Variants in ARK2N observed in about 807,000 individuals in gnomAD.
ARK2N encodes the protein arkadia (RNF111) N-terminal like PKA signaling regulator 2N.
At chr18:46,222,976 C>G in the ARK2N span, among the ~76,000 whole-genome samples, 1 of 152,122 alleles carries the variant, frequency 6.6e-6, no homozygotes, top group Admixed American at 6.6e-5. Context: ...TTTAAGGGCT[C>G]AAAATGTCTT....
the ARK2N span, among the ~76,000 whole-genome samples, chr18:46,260,135 T>C: frequency 6.6e-6 from 1 of 152,206 alleles, no homozygotes; most frequent in African/African-American, 2.4e-5. Flanking sequence ...CCTCAGCAAT[T>C]ACTTGAGTAC....
chr18:46,263,261 C>T, the ARK2N span: 24 of 726,030 alleles, frequency 3.3e-5, no homozygotes, highest in South Asian at 4.4e-4. Context: ...ATTCCCTCCT[C>T]TTCCCCCCTT....
At chr18:46,175,914 G>A in the ARK2N span, among the ~76,000 whole-genome samples, 1 of 152,166 alleles carries the variant, frequency 6.6e-6, no homozygotes, top group Non-Finnish European at 1.5e-5. Flanking sequence ...TAAGTTCACC[G>A]TGTAGTTGTT....
At chr18:46,177,289 C>T in the ARK2N span, among the ~76,000 whole-genome samples, 7 of 152,092 alleles carry the variant, frequency 4.6e-5, no homozygotes, top group Middle Eastern at 3.4e-3. Flanking sequence ...GGCACAGTGG[C>T]TCACACCTCT....
chr18:46,205,384 T>G, the ARK2N span, among the ~76,000 whole-genome samples: 1 of 152,322 alleles, frequency 6.6e-6, no homozygotes, highest in Non-Finnish European at 1.5e-5. Context: ...CGATAGTGCT[T>G]GGTCTTTGGT....
the ARK2N span, among the ~76,000 whole-genome samples, chr18:46,224,448 C>A: frequency 1.3e-5 from 2 of 152,146 alleles, no homozygotes; most frequent in South Asian, 4.1e-4. Flanking sequence ...TGAGTATGGG[C>A]CAGCTGACAA....
chr18:46,210,809 G>A, the ARK2N span, among the ~76,000 whole-genome samples: 8 of 152,030 alleles, frequency 5.3e-5, no homozygotes, highest in Non-Finnish European at 1.2e-4. Flanking sequence ...ACTTGAGGGG[G>A]CTGAGGCGGG....
chr18:46,209,316 C>T, the ARK2N span, among the ~76,000 whole-genome samples: 2 of 150,454 alleles, frequency 1.3e-5, no homozygotes, highest in South Asian at 4.2e-4. Context: ...TTTACAAACC[C>T]CCAAGCCTGC....
At chr18:46,223,612 A>G in the ARK2N span, among the ~76,000 whole-genome samples, 1 of 152,220 alleles carries the variant, frequency 6.6e-6, no homozygotes, top group Non-Finnish European at 1.5e-5. Context: ...TAGTTTAACA[A>G]ATGCTCAATA....
At chr18:46,226,555 T>C in the ARK2N span, among the ~76,000 whole-genome samples, 1 of 152,194 alleles carries the variant, frequency 6.6e-6, no homozygotes, top group African/African-American at 2.4e-5. Flanking sequence ...TAAAAATAAA[T>C]GGGCCTTAGT....
the ARK2N span, chr18:46,266,493 CTACT>C: frequency 7.2e-5 from 11 of 152,674 alleles, no homozygotes; most frequent in East Asian, 3.9e-4. Flanking sequence ...ATTTAAAACA[CTACT>C]TACTTCTTAT....
the ARK2N span, among the ~76,000 whole-genome samples, chr18:46,196,888 A>G: frequency 6.6e-6 from 1 of 152,280 alleles, no homozygotes; most frequent in South Asian, 2.1e-4. Flanking sequence ...TTTCCATTTG[A>G]ACCTCTCCAA....
At chr18:46,213,040 C>T in the ARK2N span, among the ~76,000 whole-genome samples, 1 of 116,322 alleles carries the variant, frequency 8.6e-6, no homozygotes, top group South Asian at 2.8e-4. Context: ...CTCACTCTGT[C>T]GCCCAGGCTG....
At chr18:46,231,745 T>C in the ARK2N span, 2 of 151,768 alleles carry the variant, frequency 1.3e-5, no homozygotes, top group African/African-American at 2.4e-5. Context: ...TCTTTTTTTT[T>C]TTGTTTTTTG....
At chr18:46,174,077 G>C in the ARK2N span, 1 of 152,546 alleles carries the variant, frequency 6.6e-6, no homozygotes, top group Non-Finnish European at 1.5e-5. Context: ...ATTTTCTTGG[G>C]GGCGGCGCGG....
chr18:46,256,919 T>C, the ARK2N span, among the ~76,000 whole-genome samples: 1 of 152,166 alleles, frequency 6.6e-6, no homozygotes, highest in African/African-American at 2.4e-5. Context: ...AGAAGAGGCT[T>C]TCTTGTTGGT....
chr18:46,197,454 G>C, the ARK2N span, among the ~76,000 whole-genome samples: 6 of 151,940 alleles, frequency 3.9e-5, no homozygotes, highest in Non-Finnish European at 8.8e-5. Flanking sequence ...GGTTTGTCTC[G>C]AACTCCTGAC....
chr18:46,245,572 A>AT, the ARK2N span, among the ~76,000 whole-genome samples: 20 of 120,392 alleles, frequency 1.7e-4, no homozygotes, highest in South Asian at 4.1e-3. Flanking sequence ...CTCTGTCTCA[A>AT]TAAAAAAAAA....
the ARK2N span, among the ~76,000 whole-genome samples, chr18:46,198,561 C>T: frequency 6.6e-6 from 1 of 151,786 alleles, no homozygotes; most frequent in African/African-American, 2.4e-5. Context: ...GGTAGATTTT[C>T]TTCCCTCATG....
Sources: allele counts gnomAD v4.1 joint callset (sites outside exome capture counted in the v4.1 genomes callset), GRCh38; gene constraint gnomAD v4.1.1; transcripts MANE v1.5; gene names NCBI Gene and HGNC (gene_info 2026-07-23, HGNC 2026-07-21).